The following ELP1 variants were observed in gnomAD, a reference collection of about 807,000 sequenced individuals.
The protein encoded by ELP1 is elongator acetyltransferase complex subunit 1.
ELP1 carries 131 observed loss-of-function variants against 183.2 expected under a neutral mutation model. The observed-to-expected ratio is 0.72, with a 90% CI of 0.62 to 0.83. The LOEUF (loss-of-function observed/expected upper bound fraction) is 0.83. ELP1 is among the 40% of genes least tolerant of loss of function. The pLI, the probability that ELP1 is intolerant of heterozygous loss-of-function variation, is 0.00. For missense variants in ELP1, 1,550 were observed against 1,594.9 expected (o/e 0.97, Z 0.48); for synonymous variants, 555 against 569.0 (o/e 0.98, Z 0.35).
At chr9:108,881,640 C>A in intron 31 of ELP1, 65 bp downstream of exon 31, 1 of 957,326 alleles carries the variant, frequency 1.0e-6, no homozygotes, top group South Asian at 1.3e-5. Flanking sequence ...TAGGAGGAGA[C>A]TCTCTCATCT....
At chr9:108,883,669 T>G (rs777599194) in intron 29 of ELP1, among the ~76,000 whole-genome samples, 1 of 152,172 alleles carries the variant, frequency 6.6e-6, no homozygotes, top group Non-Finnish European at 1.5e-5. Flanking sequence ...TGAATACTCT[T>G]GTAAGGTTTT....
At chr9:108,890,388 T>C (rs900893919) in intron 28 of ELP1, among the ~76,000 whole-genome samples, 5 of 152,230 alleles carry the variant, frequency 3.3e-5, no homozygotes, top group Non-Finnish European at 5.9e-5. Flanking sequence ...TAACAAAATT[T>C]AACAGGATAG....
intron 1 of ELP1, among the ~76,000 whole-genome samples, chr9:108,932,244 A>G (rs992921825): frequency 6.6e-6 from 1 of 152,256 alleles, no homozygotes; most frequent in African/African-American, 2.4e-5. Context: ...GTAAGTTTAT[A>G]TATGATGGAA....
intron 10 of ELP1, 55 bp downstream of exon 10, chr9:108,916,149 C>A: frequency 7.6e-7 from 1 of 1,313,934 alleles, no homozygotes; most frequent in Non-Finnish European, 1.1e-6. Flanking sequence ...CCATACCTGT[C>A]TACTTTCAAC....
chr9:108,909,899 G>C (rs894286363), intron 12 of ELP1, among the ~76,000 whole-genome samples: 1 of 152,188 alleles, frequency 6.6e-6, no homozygotes, highest in Middle Eastern at 3.4e-3. Context: ...TCCTAAAATT[G>C]ATCGTGGTGA....
Position 108,908,406 on chromosome 9 carries a change from T to C in ELP1, c.1361-2A>G, listed in dbSNP as rs1218081674. 1 of 1,611,974 alleles carries C rather than the reference T, an allele frequency of 6.2e-7. No individual in the cohort carries two copies. Among genetic ancestry groups the C allele is most frequent in the Non-Finnish European group, 8.5e-7 (1 of 1,178,090 alleles). On this transcript the variant is annotated splice_acceptor_variant, in intron 12 of 36. Coordinates refer to ENST00000374647, the MANE Select transcript of ELP1 (RefSeq NM_003640.5). LOFTEE classifies it high-confidence loss of function. ...TAGGGTCAGCACTTGGACAATCACC[T>C]GGAAAACAAAAATGCAAATATTATC... is the stretch of plus-strand genomic sequence containing the variant.
intron 11 of ELP1, among the ~76,000 whole-genome samples, chr9:108,911,975 GT>G (rs981453659): frequency 6.6e-6 from 1 of 152,208 alleles, no homozygotes; most frequent in African/African-American, 2.4e-5. Flanking sequence ...AGACTGTACT[GT>G]TGTCATCCTC....
At position 108,900,070 on chromosome 9, in the gene ELP1, G is replaced by A. The variant is rs1341215; in HGVS notation, c.2131-175C>T. Among the ~76,000 whole-genome samples the A allele has an allele frequency of 0.2, 29,707 of 152,026 alleles. 3,527 individuals carry two copies. The highest frequency in any genetic ancestry group is 0.33 in the African/African-American group (13,728 of 41,416). ...TATCTTGACTTTCAAGAAAAGTTTC[G>A]CTTTGAGCCTTATGGTCACAGCCTG... On this transcript the variant is annotated intron_variant, in intron 19 of 36. Transcript: ENST00000374647.
At chr9:108,913,886 C>T (rs925619358) in intron 10 of ELP1, among the ~76,000 whole-genome samples, 2 of 152,152 alleles carry the variant, frequency 1.3e-5, no homozygotes, top group Admixed American at 6.5e-5. Context: ...ACAGTGCCAT[C>T]CCTTGACACA....
Position 108,878,631 on chromosome 9 carries a change from T to C in ELP1, c.3692A>G (p.Asn1231Ser). Residue 1231 changes from asparagine (N) to serine (S), a missense_variant, in exon 34 of 37, where the codon AAC (asparagine) becomes AGC (serine). Asn to Ser is a conservative substitution (Grantham distance 46, BLOSUM62 1). Coordinates refer to ENST00000374647, the MANE Select transcript of ELP1 (RefSeq NM_003640.5). ...CAGGACTGAGAATATACCTTTCAGGTTTTCAGTGTTCTGCACCACTTCACT... is the reference window on the plus strand; with the variant it reads ...CAGGACTGAGAATATACCTTTCAGGCTTTCAGTGTTCTGCACCACTTCACT... ...ALSEVVQNTENLKDEVYHILK... is the reference protein window; with the variant it reads ...ALSEVVQNTESLKDEVYHILK... The C allele has an allele frequency of 6.2e-7, 1 of 1,614,178 alleles. No individual in the cohort carries two copies. Among genetic ancestry groups the C allele is most frequent in the Non-Finnish European group, 8.5e-7 (1 of 1,180,032 alleles).
At chr9:108,880,548 C>T (rs1587873721) in intron 31 of ELP1, among the ~76,000 whole-genome samples, 1 of 152,156 alleles carries the variant, frequency 6.6e-6, no homozygotes, top group African/African-American at 2.4e-5. Context: ...TCTGGCTAAA[C>T]ATCCATCAAA....
chr9:108,900,215 T>C, intron 19 of ELP1, 45 bp downstream of exon 19: 1 of 1,322,338 alleles, frequency 7.6e-7, no homozygotes, highest in South Asian at 1.2e-5. Context: ...GGTACTTGGC[T>C]GAATGACAAT....
intron 29 of ELP1, among the ~76,000 whole-genome samples, chr9:108,887,974 T>C (rs778623428): frequency 9.9e-5 from 15 of 152,228 alleles, no homozygotes; most frequent in Non-Finnish European, 2.1e-4. Flanking sequence ...TGCACTAGAA[T>C]GTTCATGGCT....
intron 29 of ELP1, among the ~76,000 whole-genome samples, chr9:108,884,491 T>C (rs1180269845): frequency 6.6e-6 from 1 of 152,078 alleles, no homozygotes; most frequent in Non-Finnish European, 1.5e-5. Flanking sequence ...AAACAGACCA[T>C]ATTATAAATT....
In ELP1 at chr9:108,920,427, A is replaced by G. The variant is rs112248281; in HGVS notation, c.553-1078T>C. Among the ~76,000 whole-genome samples the G allele has an allele frequency of 2.6e-3, 401 of 152,172 alleles. 2 individuals are homozygous for G. The highest frequency in any genetic ancestry group is 9.1e-3 in the African/African-American group (377 of 41,520). Reference sequence around the variant, plus strand: ...TTCTCAAGTAGCTGAGATTACAGGCATCTGCCACCATGCCTGGCTAATTTT... The same window carrying G: ...TTCTCAAGTAGCTGAGATTACAGGCGTCTGCCACCATGCCTGGCTAATTTT... On this transcript the variant is annotated intron_variant, in intron 6 of 36. Coordinates refer to ENST00000374647, the MANE Select transcript of ELP1 (RefSeq NM_003640.5).
intron 36 of ELP1, among the ~76,000 whole-genome samples, chr9:108,870,178 G>A (rs1827395276): frequency 6.6e-6 from 1 of 151,884 alleles, no homozygotes; most frequent in Non-Finnish European, 1.5e-5. Flanking sequence ...TGCTGCCCAG[G>A]CTACTCTCAA....
chr9:108,891,771 C>A lies in ELP1; in HGVS notation c.2959-367G>T, dbSNP rs533592267. 2.6e-3 allele frequency among the ~76,000 whole-genome samples: 392 copies of A among 152,232 alleles called. 1 individual carries two copies. Among genetic ancestry groups the A allele is most frequent in the African/African-American group, 9.1e-3 (378 of 41,546 alleles). ...CAAAATATAGTCTATAGCATAATGG[C>A]AAACGTGAGTAAAGGGACAGAGGAC... On this transcript the variant is annotated intron_variant, in intron 27 of 36. Transcript: ENST00000374647.
chr9:108,929,745 C>G (rs570530357), intron 3 of ELP1, 24 bp downstream of exon 3: 5 of 1,612,212 alleles, frequency 3.1e-6, no homozygotes, highest in Middle Eastern at 1.7e-4. Context: ...TGAGACTCCC[C>G]CCTCACTGGA....
At chr9:108,921,668 A>G (rs1829651492) in intron 6 of ELP1, among the ~76,000 whole-genome samples, 1 of 152,066 alleles carries the variant, frequency 6.6e-6, no homozygotes, top group Non-Finnish European at 1.5e-5. Flanking sequence ...GATCACCCCC[A>G]AAGAAGCAAG....
Sources: gnomAD v4.1 joint callset for allele counts (sites outside exome capture counted in the v4.1 genomes callset) on GRCh38, gnomAD v4.1.1 for gene constraint, MANE v1.5 for transcripts, NCBI Gene and HGNC (gene_info 2026-07-23, HGNC 2026-07-21) for gene names.